FAM161A: variants seen among roughly 807,000 people sequenced by gnomAD.
The protein encoded by FAM161A is FAM161 centrosomal protein A.
FAM161A carries 57 observed loss-of-function variants against 70.9 expected under a neutral mutation model. The observed-to-expected ratio is 0.80, with a 90% CI of 0.65 to 1.00. The LOEUF (loss-of-function observed/expected upper bound fraction) is 1.00, where lower values mean the gene tolerates loss of function less well. Ranked by LOEUF, FAM161A falls within the 50% of genes least tolerant of loss-of-function variation. FAM161A has a pLI of 0.00. For missense variants in FAM161A, 880 were observed against 836.0 expected, an observed-to-expected ratio of 1.05 and a Z score of -0.65; for synonymous variants, 299 against 295.7, an observed-to-expected ratio of 1.01 and a Z score of -0.12.
intron 1 of FAM161A, among the ~76,000 whole-genome samples, chr2:61,853,200 G>A (rs1572901804): frequency 6.6e-6 from 1 of 152,132 alleles, no homozygotes; most frequent in East Asian, 1.9e-4. Context: ...ACGAGCCACC[G>A]CGCCCGGCCA....
chr2:61,846,811 AC>A (rs1673231387), intron 1 of FAM161A: 2 of 395,908 alleles, frequency 5.1e-6, no homozygotes, highest in Admixed American at 5.6e-5. Flanking sequence ...CAGTCTAGCA[AC>A]GGTTATTCAT....
chr2:61,833,950 A>G (rs964162226), intron 5 of FAM161A, among the ~76,000 whole-genome samples: 3 of 152,186 alleles, frequency 2.0e-5, no homozygotes, highest in African/African-American at 7.2e-5. Flanking sequence ...ATCTGAGCCC[A>G]GGAGTTCAAG....
At chr2:61,800,412 C>T in the FAM161A span, among the ~76,000 whole-genome samples, 8 of 152,344 alleles carry the variant, frequency 5.3e-5, no homozygotes, top group Middle Eastern at 3.4e-3. Context: ...GCAGGCCAGG[C>T]TGCTGCAGCT....
chr2:61,833,030 T>C (rs1421287484), intron 5 of FAM161A, among the ~76,000 whole-genome samples: 3 of 152,084 alleles, frequency 2.0e-5, no homozygotes, highest in African/African-American at 7.2e-5. Context: ...CAGAAAAGCC[T>C]AAGAATAATA....
the FAM161A span, among the ~76,000 whole-genome samples, chr2:61,815,535 C>CTTTTTTTTT: frequency 3.6e-4 from 19 of 53,238 alleles, no homozygotes; most frequent in Non-Finnish European, 4.5e-4. Context: ...AAAGATGTGT[C>CTTTTTTTTT]TTTTTTTTTT....
chr2:61,838,799 T>G, intron 3 of FAM161A, 94 bp from the exon 4 acceptor site: 1 of 930,548 alleles, frequency 1.1e-6, no homozygotes, highest in Non-Finnish European at 1.5e-6. Context: ...TTTTGATAAT[T>G]CAAAATTTGA....
chr2:61,836,200 A>G, intron 4 of FAM161A, 91 bp from the exon 5 acceptor site: 1 of 935,762 alleles, frequency 1.1e-6, no homozygotes, highest in South Asian at 1.4e-5. Context: ...ACTTGTACAA[A>G]GTCAATGAAA....
Position 61,825,413 on chromosome 2 carries a change from C to T in FAM161A, c.*1042G>A, listed in dbSNP as rs932293675. 2.2e-6 allele frequency: 1 copy of T among 453,964 alleles called. No individual in the cohort carries two copies. Among genetic ancestry groups the T allele is most frequent in the Non-Finnish European group, 4.4e-6 (1 of 226,740 alleles). 28.1% of individuals were successfully genotyped at this position (453,964 alleles called of 1,614,324 possible). ...ATCATATAAAAAAAGGGATACTTGC[C>T]CCTAATTTAGATTATAACTCACACA... On this transcript the variant is annotated 3_prime_UTR_variant, in exon 7 of 7. Transcript: ENST00000404929.
At chr2:61,827,343 G>A (rs1054449406) in intron 5 of FAM161A, 85 bp from the exon 6 acceptor site, 36 of 1,348,068 alleles carry the variant, frequency 2.7e-5, no homozygotes, top group Admixed American at 2.4e-4. Flanking sequence ...AGGCGCGGTG[G>A]CTCACGCCTG....
chr2:61,804,858 G>A, the FAM161A span, among the ~76,000 whole-genome samples: 3 of 149,478 alleles, frequency 2.0e-5, no homozygotes, highest in Admixed American at 6.7e-5. Flanking sequence ...AGAAGGGAGG[G>A]AGGGAGGGAG....
At chr2:61,849,830 G>A (rs1036580475) in intron 1 of FAM161A, among the ~76,000 whole-genome samples, 11 of 138,954 alleles carry the variant, frequency 7.9e-5, no homozygotes, top group Non-Finnish European at 1.2e-4. Flanking sequence ...TCACAGCCAC[G>A]TGGATGGAGC....
intron 1 of FAM161A, 29 bp from the exon 2 acceptor site, chr2:61,842,389 G>C: frequency 1.4e-6 from 2 of 1,393,388 alleles, no homozygotes; most frequent in Non-Finnish European, 2.0e-6. Context: ...TTGATATATA[G>C]TGACTGGAGC....
rs766107015 is a variant in FAM161A at position 61,839,649 on chromosome 2, G to T, written c.1355C>A (p.Thr452Lys). The T allele has an allele frequency of 6.2e-7, 1 of 1,614,036 alleles. No homozygotes were observed. Among genetic ancestry groups the T allele is most frequent in the Non-Finnish European group, 8.5e-7 (1 of 1,180,002 alleles). The change falls in exon 3 of 7, where the codon ACA becomes AAA. Residue 452 changes from threonine (T) to lysine (K), a missense_variant. Coordinates refer to ENST00000404929, the MANE Select transcript of FAM161A (RefSeq NM_001201543.2). ...ATGAAGATCAAATGGTTTACACACT[G>T]TTAAGAGTTTTGGAGACTTGTGTTC... ...LSEHKSPKLL[T>K]VCKPFDLHAS...
At chr2:61,812,017 G>T in the FAM161A span, among the ~76,000 whole-genome samples, 1 of 152,076 alleles carries the variant, frequency 6.6e-6, no homozygotes, top group Non-Finnish European at 1.5e-5. Flanking sequence ...CAGGCCCAGG[G>T]TACGTTCTGT....
At chr2:61,850,422 C>G (rs1016328235) in intron 1 of FAM161A, among the ~76,000 whole-genome samples, 1 of 151,578 alleles carries the variant, frequency 6.6e-6, no homozygotes, top group Admixed American at 6.6e-5. Context: ...TGTGTGCGTT[C>G]GTGTGTATGT....
chr2:61,808,641 A>G, the FAM161A span, among the ~76,000 whole-genome samples: 2 of 152,172 alleles, frequency 1.3e-5, no homozygotes, highest in African/African-American at 4.8e-5. Flanking sequence ...GGCATAGAAT[A>G]CAGTATTCAG....
intron 4 of FAM161A, chr2:61,836,525 CTG>C (rs1339242136): frequency 6.4e-6 from 1 of 157,216 alleles, no homozygotes; most frequent in Non-Finnish European, 1.4e-5. Context: ...GGAATTTCTC[CTG>C]AAAACAAGAC....
At chr2:61,803,021 G>C in the FAM161A span, 1 of 202,646 alleles carries the variant, frequency 4.9e-6, no homozygotes, top group Admixed American at 5.7e-5. Context: ...AGAAACTAAA[G>C]ATAACTCTTC....
chr2:61,801,492 G>A, the FAM161A span, among the ~76,000 whole-genome samples: 1 of 133,878 alleles, frequency 7.5e-6, no homozygotes, highest in Non-Finnish European at 1.6e-5. Flanking sequence ...GAGAGGCTCC[G>A]TCTCAAAAAA....
Sources: gnomAD v4.1 joint callset for allele counts (sites outside exome capture counted in the v4.1 genomes callset) on GRCh38, gnomAD v4.1.1 for gene constraint, MANE v1.5 for transcripts, NCBI Gene and HGNC (gene_info 2026-07-23, HGNC 2026-07-21) for gene names.